CAMK2B: variants seen among roughly 807,000 people sequenced by gnomAD.
CAMK2B encodes calcium/calmodulin dependent protein kinase II beta, also known as calcium/calmodulin-dependent protein kinase type II subunit beta.
A neutral mutation model predicts 93.7 loss-of-function variants in CAMK2B; 27 were observed. That is an observed-to-expected ratio of 0.29 (90% CI 0.21 to 0.40). The LOEUF (loss-of-function observed/expected upper bound fraction) is 0.40. Among genes scored for constraint, CAMK2B ranks in the 10% least tolerant of loss-of-function variants. The probability of loss-of-function intolerance (pLI) is 1.00; values close to 1 mark genes in which losing one functional copy is unlikely to be tolerated. For missense variants in CAMK2B, 568 were observed against 895.8 expected, an observed-to-expected ratio of 0.63 and a Z score of 4.67; for synonymous variants, 374 against 358.8, an observed-to-expected ratio of 1.04 and a Z score of -0.48.
At chr7:44,301,294 T>C (rs1037235368) in intron 1 of CAMK2B, among the ~76,000 whole-genome samples, 3 of 152,090 alleles carry the variant, frequency 2.0e-5, no homozygotes, top group African/African-American at 7.2e-5. Flanking sequence ...TGCCCTGTGA[T>C]GTTTTTTGTT....
intron 1 of CAMK2B, among the ~76,000 whole-genome samples, chr7:44,313,972 G>C (rs1794211173): frequency 6.6e-6 from 1 of 151,958 alleles, no homozygotes; most frequent in Non-Finnish European, 1.5e-5. Context: ...TTCTGCTGGG[G>C]TCCTGAAGAT....
In CAMK2B at chr7:44,325,447, C is replaced by A. The variant is rs199609403; in HGVS notation, c.-26G>T. 3.8e-6 allele frequency: 4 copies of A among 1,063,590 alleles called. No homozygotes were observed. The highest frequency in any genetic ancestry group is 4.7e-5 in the Admixed American group (1 of 21,422). 65.9% of individuals were successfully genotyped at this position (1,063,590 alleles called of 1,614,324 possible). On this transcript the variant is annotated 5_prime_UTR_variant, in exon 1 of 24. Transcript: ENST00000395749. ...GGCGGCGGCGGACGGGCTCGGCGTG[C>A]GCTCGGCTGCGCTCGGGCGGCGGCG...
intron 15 of CAMK2B, among the ~76,000 whole-genome samples, chr7:44,233,714 G>A (rs867850198): frequency 5.9e-5 from 9 of 152,192 alleles, no homozygotes. Flanking sequence ...AGGGCAAGGG[G>A]CACTGAGGGG....
At chr7:44,322,642 G>A (rs1796389733) in intron 1 of CAMK2B, among the ~76,000 whole-genome samples, 1 of 152,246 alleles carries the variant, frequency 6.6e-6, no homozygotes, top group Admixed American at 6.5e-5. Context: ...GCCAGGCTGA[G>A]CAGGGAAGGG....
intron 1 of CAMK2B, among the ~76,000 whole-genome samples, chr7:44,301,298 TTTTG>T (rs930307675): frequency 1.3e-5 from 2 of 152,078 alleles, no homozygotes; most frequent in African/African-American, 2.4e-5. Flanking sequence ...CTGTGATGTT[TTTTG>T]TTTGTTTGTT....
At chr7:44,252,300 G>A (rs1325631483) in intron 5 of CAMK2B, among the ~76,000 whole-genome samples, 3 of 152,020 alleles carry the variant, frequency 2.0e-5, no homozygotes, top group East Asian at 1.9e-4. Context: ...CCCAGAGTGG[G>A]GGATAACAGG....
chr7:44,307,434 G>A (rs1438284309), intron 1 of CAMK2B, among the ~76,000 whole-genome samples: 3 of 151,488 alleles, frequency 2.0e-5, no homozygotes, highest in Admixed American at 2.0e-4. Flanking sequence ...TCAGGGGGAG[G>A]AGGGTGTGAG....
At chr7:44,321,473 C>A (rs1481677347) in intron 1 of CAMK2B, among the ~76,000 whole-genome samples, 1 of 152,196 alleles carries the variant, frequency 6.6e-6, no homozygotes, top group Non-Finnish European at 1.5e-5. Context: ...GCCATTCTTG[C>A]TGCCTGGGCT....
intron 13 of CAMK2B, 132 bp downstream of exon 13, chr7:44,239,457 A>G (rs369611745): frequency 9.5e-6 from 7 of 733,720 alleles, no homozygotes; most frequent in Non-Finnish European, 1.4e-5. Flanking sequence ...ACACGGGAGC[A>G]GGGGCTCCCG....
At position 44,220,081 on chromosome 7, in the gene CAMK2B, G is replaced by A; in HGVS notation, c.1982C>T (p.Pro661Leu). The part of the protein sequence containing the change: ...QNVHFHCSGA[P>L]VAPLQ ...TCACCTTCACTGCAGCGGGGCCACA[G>A]GCGCGCCCGAGCAGTGGAAGTGCAC... is the stretch of plus-strand genomic sequence containing the variant. The change falls in exon 23 of 24, where the codon CCT becomes CTT. Residue 661 changes from proline to leucine, a missense_variant. Physicochemically the swap from Pro to Leu is moderately conservative, Grantham distance 98. This residue lies in a region of CAMK2B where 116 missense variants were observed against 188.0 expected (regional missense o/e 0.62). Coordinates refer to ENST00000395749, the MANE Select transcript of CAMK2B (RefSeq NM_001220.5). 1 of 1,598,466 alleles carries A rather than the reference G, an allele frequency of 6.3e-7. No homozygotes were observed. The highest frequency in any genetic ancestry group is 8.5e-7 in the Non-Finnish European group (1 of 1,175,318).
intron 1 of CAMK2B, among the ~76,000 whole-genome samples, chr7:44,314,165 T>C (rs1794275197): frequency 6.6e-6 from 1 of 152,236 alleles, no homozygotes; most frequent in South Asian, 2.1e-4. Context: ...ATTTAGAGTA[T>C]ATAATTCAGA....
chr7:44,290,764 A>C (rs1420041127), intron 1 of CAMK2B, among the ~76,000 whole-genome samples: 2 of 152,248 alleles, frequency 1.3e-5, no homozygotes, highest in Non-Finnish European at 1.5e-5. Flanking sequence ...AGTAACTTTT[A>C]TATGAACAGA....
chr7:44,236,788 G>A (rs1267169153), intron 13 of CAMK2B, among the ~76,000 whole-genome samples: 1 of 152,000 alleles, frequency 6.6e-6, no homozygotes, highest in Non-Finnish European at 1.5e-5. Flanking sequence ...AGAAACACCC[G>A]CCCAGTGCCA....
rs775928366 is a variant in CAMK2B, at chr7:44,234,475, G to T, written c.1060-14C>A. ...ATTCGTCTGGGGCTGTGGAGAGAGG[G>T]AAGAGGAACTCTTAGGTGGGAGAAG... On this transcript the variant is annotated splice_polypyrimidine_tract_variant and intron_variant, in intron 14 of 23. Transcript: ENST00000395749. 1.9e-6 allele frequency: 3 copies of T among 1,574,872 alleles called. No individual in the cohort carries two copies. Among genetic ancestry groups the T allele is most frequent in the Non-Finnish European group, 2.6e-6 (3 of 1,161,948 alleles).
At chr7:44,293,109 CA>C (rs1315768498) in intron 1 of CAMK2B, among the ~76,000 whole-genome samples, 1 of 152,224 alleles carries the variant, frequency 6.6e-6, no homozygotes, top group African/African-American at 2.4e-5. Context: ...GCCCCTCTCC[CA>C]GGGGCAGCGC....
At chr7:44,229,558 C>T (rs2096557977) in intron 17 of CAMK2B, 57 bp from the exon 18 acceptor site, 3 of 755,532 alleles carry the variant, frequency 4.0e-6, no homozygotes, top group Non-Finnish European at 3.9e-6. Flanking sequence ...GAAAAGAAGG[C>T]AACTGGAGAA....
intron 5 of CAMK2B, among the ~76,000 whole-genome samples, chr7:44,252,238 C>G (rs1012525032): frequency 1.3e-5 from 2 of 152,042 alleles, no homozygotes; most frequent in Non-Finnish European, 2.9e-5. Flanking sequence ...CAGCCTCCAC[C>G]TGGGGCGGTG....
At chr7:44,317,588 A>G (rs1285238393) in intron 1 of CAMK2B, among the ~76,000 whole-genome samples, 1 of 152,164 alleles carries the variant, frequency 6.6e-6, no homozygotes, top group Non-Finnish European at 1.5e-5. Flanking sequence ...AGGCCTCTGA[A>G]TGATATTTTG....
At chr7:44,244,992 G>A (rs1407176167) in intron 6 of CAMK2B, 1 of 455,664 alleles carries the variant, frequency 2.2e-6, no homozygotes, top group South Asian at 1.6e-5. Context: ...GTGAGTGGGT[G>A]GAGGCCCCAA....
Sources: allele counts gnomAD v4.1 joint callset (sites outside exome capture counted in the v4.1 genomes callset), GRCh38; gene constraint gnomAD v4.1.1; regional missense constraint gnomAD v4.1.1; transcripts MANE v1.5; gene names NCBI Gene and HGNC (gene_info 2026-07-23, HGNC 2026-07-21).